The following ARID1A variants were observed in gnomAD, a reference collection of about 807,000 sequenced individuals.
The protein encoded by ARID1A is AT-rich interactive domain-containing protein 1A.
ARID1A carries 20 observed loss-of-function variants against 212.6 expected under a neutral mutation model. The ratio of observed to expected loss-of-function variants is 0.09; its 90% CI spans 0.07 to 0.14. ARID1A has a LOEUF of 0.14. Among genes scored for constraint, ARID1A ranks in the 10% least tolerant of loss-of-function variants. ARID1A has a pLI of 1.00. For synonymous variants in ARID1A, 1,376 were observed against 1,222.1 expected, an observed-to-expected ratio of 1.13 and a Z score of -2.63; for missense variants, 2,587 against 3,059.0, an observed-to-expected ratio of 0.85 and a Z score of 3.64.
Position 26,697,231 on chromosome 1 carries a change from A to G in ARID1A, c.828A>G (p.Gly276=), listed in dbSNP as rs2124743779. Residue 276 remains glycine, a synonymous_variant, in exon 1 of 20, where the codon GGA becomes GGG. Transcript: ENST00000324856. ...FAQQRFGAMG[G]GGPSAAGGGT... is the part of the protein sequence containing the mutation. ...AGCAGCGCTTCGGGGCCATGGGGGG[A>G]GGCGGCCCCTCCGCGGCCGGCGGGG... 3 of 1,373,710 alleles carry G rather than the reference A, an allele frequency of 2.2e-6. No homozygotes were observed. Among genetic ancestry groups the G allele is most frequent in the Non-Finnish European group, 1.9e-6 (2 of 1,069,988 alleles). The allele number at this position is 1,373,710 out of a possible 1,614,324, so 85.1% of individuals were successfully genotyped here. A position where few individuals can be genotyped will look rare whatever the true frequency, so the allele number is the denominator to read the frequency against.
At chr1:26,746,718 C>G (rs763584375) in intron 4 of ARID1A, among the ~76,000 whole-genome samples, 3 of 151,982 alleles carry the variant, frequency 2.0e-5, no homozygotes, top group South Asian at 2.1e-4. Flanking sequence ...ATGGTGAAAC[C>G]CTGTTTTAGT....
chr1:26,754,290 A>G (rs931769835), intron 4 of ARID1A, among the ~76,000 whole-genome samples: 6 of 152,188 alleles, frequency 3.9e-5, no homozygotes, highest in African/African-American at 9.7e-5. Context: ...GCTGAGAGCA[A>G]TATCTGTTCA....
At chr1:26,758,117 C>T (rs993642968) in intron 4 of ARID1A, among the ~76,000 whole-genome samples, 3 of 152,092 alleles carry the variant, frequency 2.0e-5, no homozygotes, top group Non-Finnish European at 4.4e-5. Flanking sequence ...GTGAGGGAAC[C>T]TTCTGGTCCC....
chr1:26,734,281 G>A (rs1209929244), intron 4 of ARID1A, among the ~76,000 whole-genome samples: 2 of 151,264 alleles, frequency 1.3e-5, no homozygotes, highest in African/African-American at 4.9e-5. Flanking sequence ...GCTGTAAGTT[G>A]CTTCATTCCA....
intron 1 of ARID1A, among the ~76,000 whole-genome samples, chr1:26,701,516 G>T (rs1471821470): frequency 6.6e-6 from 1 of 152,182 alleles, no homozygotes; most frequent in African/African-American, 2.4e-5. Context: ...GGAGGCTTAG[G>T]TTCCACATAC....
intron 1 of ARID1A, among the ~76,000 whole-genome samples, chr1:26,720,893 C>T (rs940318893): frequency 1.3e-5 from 2 of 151,582 alleles, no homozygotes; most frequent in Non-Finnish European, 2.9e-5. Flanking sequence ...AAAAAAGATT[C>T]CTGGCCCGGC....
At chr1:26,705,451 T>TCCCC (rs61242310) in intron 1 of ARID1A, among the ~76,000 whole-genome samples, 42 of 143,270 alleles carry the variant, frequency 2.9e-4, no homozygotes, top group Non-Finnish European at 2.3e-4. Context: ...TTTTTTTTTT[T>TCCCC]CCCCCCCCCT....
rs2124742263 is a variant in ARID1A, at chr1:26,696,924, G to T, written c.521G>T (p.Gly174Val). ...AAAAVFHQQH[G>V]GQQSPGLAAL... The stretch of plus-strand genomic sequence containing the variant: ...GCCGCCGTCTTCCACCAACAACATG[G>T]CGGACAACAAAGCCCTGGCCTGGCA... Residue 174 changes from glycine (G) to valine (V), a missense_variant, in exon 1 of 20, where the codon GGC (glycine) becomes GTC (valine). Coordinates refer to ENST00000324856, the MANE Select transcript of ARID1A (RefSeq NM_006015.6). The T allele has an allele frequency of 7.0e-7, 1 of 1,425,908 alleles. No individual in the cohort carries two copies. The highest frequency in any genetic ancestry group is 2.8e-5 in the East Asian group (1 of 35,352). 88.3% of individuals were successfully genotyped at this position (1,425,908 alleles called of 1,614,324 possible).
intron 1 of ARID1A, among the ~76,000 whole-genome samples, chr1:26,708,450 A>T (rs1570552773): frequency 6.7e-6 from 1 of 149,780 alleles, no homozygotes; most frequent in Non-Finnish European, 1.5e-5. Flanking sequence ...ACGCCCAGGT[A>T]ATTTTTTGTA....
chr1:26,762,864 T>C, intron 7 of ARID1A, 109 bp from the exon 8 acceptor site: 1 of 1,145,888 alleles, frequency 8.7e-7, no homozygotes. Flanking sequence ...GAAGTTGATC[T>C]CTTTCCTAAC....
At chr1:26,752,686 C>T (rs1380756072) in intron 4 of ARID1A, among the ~76,000 whole-genome samples, 1 of 152,214 alleles carries the variant, frequency 6.6e-6, no homozygotes, top group African/African-American at 2.4e-5. Context: ...GATTTCCTCC[C>T]ATTCTTCAGC....
At chr1:26,748,844 C>T (rs1460142916) in intron 4 of ARID1A, among the ~76,000 whole-genome samples, 1 of 151,984 alleles carries the variant, frequency 6.6e-6, no homozygotes, top group Non-Finnish European at 1.5e-5. Flanking sequence ...GAATCATCAT[C>T]ATCATCTTTT....
chr1:26,757,795 A>G (rs1236787969), intron 4 of ARID1A, among the ~76,000 whole-genome samples: 1 of 151,978 alleles, frequency 6.6e-6, no homozygotes, highest in Non-Finnish European at 1.5e-5. Context: ...CAGCCTCCTG[A>G]GTACCTGGGA....
intron 4 of ARID1A, among the ~76,000 whole-genome samples, chr1:26,737,668 C>G (rs1380970855): frequency 6.6e-6 from 1 of 151,964 alleles, no homozygotes; most frequent in Admixed American, 6.6e-5. Context: ...GAGTTTGAGA[C>G]CAGCCTGACC....
rs2124081295 is a variant in ARID1A, at chr1:26,766,462, G to T, written c.2884G>T (p.Ala962Ser). The T allele has an allele frequency of 6.2e-7, 1 of 1,614,014 alleles. No homozygotes were observed. The highest frequency in any genetic ancestry group is 8.5e-7 in the Non-Finnish European group (1 of 1,179,990). Residue 962 changes from alanine (A) to serine (S), a missense_variant, in exon 10 of 20, where the codon GCA (alanine) becomes TCA (serine). Coordinates refer to ENST00000324856, the MANE Select transcript of ARID1A (RefSeq NM_006015.6). ...AATTTTTTTCTCTTTTACAGGGATG[G>T]CAGCCAGCCCAGAGATGATGGGCCT... The part of the protein sequence containing the change: ...GTMANNSAGM[A>S]ASPEMMGLGD...
intron 19 of ARID1A, among the ~76,000 whole-genome samples, chr1:26,777,791 G>T (rs2124132854): frequency 6.6e-6 from 1 of 152,256 alleles, no homozygotes; most frequent in Non-Finnish European, 1.5e-5. Context: ...AATTAGGCTG[G>T]GCGCAGTGGC....
rs2124152044 is a variant in ARID1A at position 26,780,601 on chromosome 1, G to A, written c.6703G>A (p.Ala2235Thr). ...PTSVDMMRRA[A>T]RALLALAKVD... ...TAGTGTGGACATGATGCGGCGGGCT[G>A]CCCGCGCGCTGCTTGCCTTGGCCAA... Residue 2235 changes from alanine (A) to threonine (T), a missense_variant, in exon 20 of 20, where the codon GCC becomes ACC. By Grantham distance (58) the Ala-to-Thr change is moderately conservative. Transcript: ENST00000324856. This position sits in a 1 kb window ranked among gnomAD's most constrained non-coding sequence, Gnocchi z 7.2. The A allele has an allele frequency of 6.2e-7, 1 of 1,613,960 alleles. No homozygotes were observed. Among genetic ancestry groups the A allele is most frequent in the Non-Finnish European group, 8.5e-7 (1 of 1,179,990 alleles).
rs2124156989 is a variant in ARID1A, at chr1:26,781,739, T to C, written c.*983T>C. 1 of 233,806 alleles carries C rather than the reference T, an allele frequency of 4.3e-6. No homozygotes were observed. 14.5% of individuals were successfully genotyped at this position (233,806 alleles called of 1,614,324 possible). The stretch of plus-strand genomic sequence containing the variant: ...CTGCACAAAGCGAGACACAGCTATT[T>C]AATCTCTTGCCAGATATCGCCCCTC... On this transcript the variant is annotated 3_prime_UTR_variant, in exon 20 of 20. Transcript: ENST00000324856.
intron 1 of ARID1A, among the ~76,000 whole-genome samples, chr1:26,718,831 A>G (rs1308841537): frequency 3.3e-5 from 5 of 152,228 alleles, no homozygotes; most frequent in East Asian, 1.9e-4. Context: ...GTTTGACTGT[A>G]CTTTGTTTTT....
Sources: allele counts gnomAD v4.1 joint callset (sites outside exome capture counted in the v4.1 genomes callset), GRCh38; gene constraint gnomAD v4.1.1; non-coding constraint Gnocchi (gnomAD v3.1); transcripts MANE v1.5; gene names NCBI Gene and HGNC (gene_info 2026-07-23, HGNC 2026-07-21).